Variants in PLCB1 observed in about 807,000 individuals in gnomAD.
PLCB1 encodes phospholipase C beta 1.
Under a neutral mutation model 161.8 loss-of-function variants are expected in PLCB1, and 46 were observed. The observed-to-expected ratio is 0.28, with a 90% CI of 0.22 to 0.36. PLCB1 has a LOEUF of 0.36. Ranked by LOEUF, PLCB1 falls within the 10% of genes least tolerant of loss-of-function variation. The pLI, the probability that PLCB1 is intolerant of heterozygous loss-of-function variation, is 1.00. For synonymous variants in PLCB1, 517 were observed against 503.7 expected (o/e 1.03, Z -0.35); for missense variants, 1,016 against 1,472.5 (o/e 0.69, Z 5.07).
At chr20:8,849,287 T>C (rs557506100) in intron 31 of PLCB1, among the ~76,000 whole-genome samples, 5 of 152,280 alleles carry the variant, frequency 3.3e-5, no homozygotes, top group African/African-American at 1.2e-4. Flanking sequence ...ACAATATCTA[T>C]GATGTCAGCT....
chr20:8,521,291 A>G (rs539396752), intron 3 of PLCB1, among the ~76,000 whole-genome samples: 1 of 151,096 alleles, frequency 6.6e-6, no homozygotes, highest in East Asian at 1.9e-4. Context: ...CTACATGTGG[A>G]GTTCTGGAGA....
rs1233305298 is a variant in PLCB1, at chr20:8,258,691, T to C, written c.177+108320T>C. Among the ~76,000 whole-genome samples, 5 of 152,322 alleles carry C rather than the reference T, an allele frequency of 3.3e-5. No homozygotes were observed. The East Asian group carries it at 7.7e-4, about 24-fold the overall frequency. On this transcript the variant is annotated intron_variant, in intron 2 of 31. Transcript: ENST00000338037. ...TCTAATACTTATTTAAAATTGGCGA[T>C]AATTTCACTCTTACCAACAAATACA...
chr20:8,567,760 T>C (rs1296053083), intron 3 of PLCB1, among the ~76,000 whole-genome samples: 8 of 152,016 alleles, frequency 5.3e-5, no homozygotes, highest in East Asian at 1.9e-4. Context: ...ATAAATACTT[T>C]AAAAAAATCA....
In PLCB1 at chr20:8,203,801, A is replaced by T. The variant is rs139127008; in HGVS notation, c.177+53430A>T. On this transcript the variant is annotated intron_variant, in intron 2 of 31. Transcript: ENST00000338037. Reference sequence around the variant, plus strand: ...CAAAATAATAGATGGAGATTTTTTAATACGTGCCTTAGTGTTCTTGCCCTT... The same window carrying T: ...CAAAATAATAGATGGAGATTTTTTATTACGTGCCTTAGTGTTCTTGCCCTT... Among the ~76,000 whole-genome samples the T allele has an allele frequency of 1.6e-4, 24 of 152,300 alleles. 1 individual carries two copies. The East Asian group carries it at 4.6e-3, about 29-fold the overall frequency.
At chr20:8,244,097 ATGAC>A (rs1321668428) in intron 2 of PLCB1, among the ~76,000 whole-genome samples, 1 of 151,988 alleles carries the variant, frequency 6.6e-6, no homozygotes, top group Non-Finnish European at 1.5e-5. Flanking sequence ...CAAAAATTGA[ATGAC>A]TGGCAGTACC....
intron 3 of PLCB1, among the ~76,000 whole-genome samples, chr20:8,449,026 A>G (rs1181766266): frequency 6.6e-6 from 1 of 152,234 alleles, no homozygotes; most frequent in African/African-American, 2.4e-5. Context: ...ATGGCAACTA[A>G]AGTGAGAAGG....
Position 8,766,958 on chromosome 20 carries a change from A to G in PLCB1, c.2930+1600A>G, listed in dbSNP as rs370416608. On this transcript the variant is annotated intron_variant, in intron 26 of 31. Transcript: ENST00000338037. ...GTTTGGTCTAGGATGACGCTGGTAG[A>G]CATGGAGAGAAGGGGATGAATTCTT... Among the ~76,000 whole-genome samples the G allele has an allele frequency of 7.9e-5, 12 of 152,276 alleles. 1 individual carries two copies. Among genetic ancestry groups the G allele is most frequent in the African/African-American group, 2.9e-4 (12 of 41,566 alleles).
intron 2 of PLCB1, among the ~76,000 whole-genome samples, chr20:8,359,475 A>C (rs1289974377): frequency 6.6e-6 from 1 of 152,222 alleles, no homozygotes; most frequent in Non-Finnish European, 1.5e-5. Flanking sequence ...TATGGGTATG[A>C]CAAAAATGAA....
At chr20:8,436,603 CTATT>C (rs1429015180) in intron 3 of PLCB1, among the ~76,000 whole-genome samples, 2 of 150,902 alleles carry the variant, frequency 1.3e-5, no homozygotes, top group African/African-American at 2.4e-5. Context: ...GTTTTGGTGT[CTATT>C]TATTTTTTCT....
chr20:8,444,439 A>T (rs1416576620), intron 3 of PLCB1, among the ~76,000 whole-genome samples: 1 of 152,126 alleles, frequency 6.6e-6, no homozygotes, highest in Non-Finnish European at 1.5e-5. Flanking sequence ...TTCTTAATCC[A>T]GTCTATCATT....
At chr20:8,725,529 G>T (rs1016702930) in intron 16 of PLCB1, among the ~76,000 whole-genome samples, 6 of 152,048 alleles carry the variant, frequency 3.9e-5, no homozygotes, top group South Asian at 4.1e-4. Flanking sequence ...AAACACGCTT[G>T]TTTATATTTG....
At chr20:8,569,983 T>A (rs1433863229) in intron 3 of PLCB1, among the ~76,000 whole-genome samples, 3 of 152,168 alleles carry the variant, frequency 2.0e-5, no homozygotes, top group Non-Finnish European at 2.9e-5. Context: ...GGCTTCAGGT[T>A]TGAACCAGCC....
chr20:8,782,009 C>A (rs1983264809), intron 27 of PLCB1, among the ~76,000 whole-genome samples: 1 of 152,086 alleles, frequency 6.6e-6, no homozygotes. Flanking sequence ...AAGCCTTGGT[C>A]AGACTTTCAC....
intron 2 of PLCB1, among the ~76,000 whole-genome samples, chr20:8,245,692 T>G (rs962960347): frequency 6.6e-6 from 1 of 151,898 alleles, no homozygotes; most frequent in African/African-American, 2.4e-5. Flanking sequence ...AGAGCAATTA[T>G]AAGAATCAAA....
At chr20:8,266,679 A>C (rs2294259) in intron 2 of PLCB1, among the ~76,000 whole-genome samples, 33,329 of 152,036 alleles carry the variant, frequency 0.22, 4,129 homozygotes, top group Non-Finnish European at 0.28. Flanking sequence ...GACCTCCCCA[A>C]CTGGACTTTT....
chr20:8,342,134 AG>A (rs1985831545), intron 2 of PLCB1, among the ~76,000 whole-genome samples: 1 of 152,186 alleles, frequency 6.6e-6, no homozygotes, highest in African/African-American at 2.4e-5. Flanking sequence ...GAGAATTTAA[AG>A]GTTTGGCTTT....
chr20:8,318,003 T>A (rs1984735832), intron 2 of PLCB1, among the ~76,000 whole-genome samples: 1 of 151,828 alleles, frequency 6.6e-6, no homozygotes, highest in Admixed American at 6.6e-5. Flanking sequence ...TCTTTTTTTT[T>A]TTTGGAAATT....
chr20:8,167,431 G>A (rs60446080), intron 2 of PLCB1, among the ~76,000 whole-genome samples: 1 of 152,156 alleles, frequency 6.6e-6, no homozygotes, highest in Non-Finnish European at 1.5e-5. Flanking sequence ...TTCTTCATTA[G>A]AATTGAGGGT....
chr20:8,649,400 G>A lies in PLCB1; in HGVS notation c.545G>A (p.Arg182Gln), dbSNP rs746051075. Residue 182 changes from arginine to glutamine, a missense_variant, in exon 7 of 32, where the codon CGG becomes CAG. Physicochemically the swap from Arg to Gln is conservative, Grantham distance 43 (BLOSUM62 1). Around this residue, in one of 10 missense-constraint regions of PLCB1, gnomAD observed 181 missense variants for 236.7 expected, o/e 0.76. Coordinates refer to ENST00000338037, the MANE Select transcript of PLCB1 (RefSeq NM_015192.4). ...ATATATCGCTTGTTTTCAGCAGATC[G>A]GAAGCGAGTTGAAACTGCTTTAGAG... ...KNIYRLFSAD[R>Q]KRVETALEAC... The A allele has an allele frequency of 1.2e-6, 2 of 1,613,560 alleles. No individual in the cohort carries two copies. The highest frequency in any genetic ancestry group is 1.7e-5 in the Admixed American group (1 of 60,020).
Sources: gnomAD v4.1 joint callset for allele counts (sites outside exome capture counted in the v4.1 genomes callset) on GRCh38, gnomAD v4.1.1 for gene constraint, gnomAD v4.1.1 regional missense constraint, MANE v1.5 for transcripts, NCBI Gene and HGNC (gene_info 2026-07-23, HGNC 2026-07-21) for gene names.